SHROOM3: variants seen among roughly 807,000 people sequenced by gnomAD.
The protein encoded by SHROOM3 is shroom family member 3.
A neutral mutation model predicts 138.6 loss-of-function variants in SHROOM3; 47 were observed. That is an observed-to-expected ratio of 0.34 (90% CI 0.27 to 0.43). The LOEUF (loss-of-function observed/expected upper bound fraction) is 0.43. Ranked by LOEUF, SHROOM3 falls within the 20% of genes least tolerant of loss-of-function variation. The pLI, the probability that SHROOM3 is intolerant of heterozygous loss-of-function variation, is 1.00. For synonymous variants in SHROOM3, 1,062 were observed against 1,063.3 expected (o/e 1.00, Z 0.02); for missense variants, 2,491 against 2,596.5 (o/e 0.96, Z 0.88).
At chr4:76,572,072 A>G (rs1733843060) in intron 2 of SHROOM3, among the ~76,000 whole-genome samples, 1 of 152,118 alleles carries the variant, frequency 6.6e-6, no homozygotes, top group Admixed American at 6.6e-5. Flanking sequence ...TTGTTCCTCC[A>G]TATCTGCCTC....
intron 2 of SHROOM3, among the ~76,000 whole-genome samples, chr4:76,573,027 G>A (rs1234092336): frequency 1.3e-5 from 2 of 151,912 alleles, no homozygotes; most frequent in East Asian, 3.9e-4. Flanking sequence ...GTTGCAGTGA[G>A]CTGAGATTGC....
intron 1 of SHROOM3, among the ~76,000 whole-genome samples, chr4:76,450,474 A>C (rs1730904163): frequency 6.6e-6 from 1 of 152,230 alleles, no homozygotes; most frequent in Non-Finnish European, 1.5e-5. Context: ...TTTTTCATAA[A>C]TAGAAAAAAT....
At chr4:76,565,018 G>T (rs532561550) in intron 2 of SHROOM3, among the ~76,000 whole-genome samples, 2 of 151,954 alleles carry the variant, frequency 1.3e-5, no homozygotes, top group Non-Finnish European at 2.9e-5. Flanking sequence ...AAAATTAGCC[G>T]GGTGTGGTGG....
At chr4:76,439,376 A>G (rs1415396813) in intron 1 of SHROOM3, among the ~76,000 whole-genome samples, 1 of 152,176 alleles carries the variant, frequency 6.6e-6, no homozygotes, top group African/African-American at 2.4e-5. Context: ...TGCAACCTTA[A>G]TTCACCCTTA....
intron 5 of SHROOM3, among the ~76,000 whole-genome samples, chr4:76,744,760 G>C (rs978815061): frequency 2.6e-5 from 4 of 152,192 alleles, no homozygotes; most frequent in Non-Finnish European, 5.9e-5. Context: ...TCTGCTGCTG[G>C]CTTAGTTGAT....
chr4:76,615,620 A>G (rs1025179155), intron 2 of SHROOM3, among the ~76,000 whole-genome samples: 3 of 152,120 alleles, frequency 2.0e-5, no homozygotes, highest in Non-Finnish European at 2.9e-5. Flanking sequence ...GAGTGGAGGG[A>G]AAGGAGTGGG....
Position 76,740,966 on chromosome 4 carries a change from A to T in SHROOM3, c.2793A>T (p.Ala931=), listed in dbSNP as rs1330509122. ...CCTACCGGAACAGCATCAAGGACGC[A>T]CAGTCCCGTGTCTTGGGGGCCACCT... ...SRAYRNSIKD[A]QSRVLGATSF... is the part of the protein sequence containing the mutation. Residue 931 remains alanine (A), a synonymous_variant, in exon 5 of 11, where the codon GCA becomes GCT. Transcript: ENST00000296043. The surrounding 1 kb of genome is among the most constrained non-coding windows in gnomAD (Gnocchi z 4.0). 2.0e-6 allele frequency: 3 copies of T among 1,498,352 alleles called. No individual in the cohort carries two copies. In the South Asian group the frequency reaches 4.2e-5, roughly 21 times the overall value. The allele number at this position is 1,498,352 out of a possible 1,614,324, so 92.8% of individuals were successfully genotyped here.
intron 1 of SHROOM3, among the ~76,000 whole-genome samples, chr4:76,488,855 ACTTGTTTTT>A (rs780355451): frequency 0.43 from 65,717 of 151,778 alleles, 15,133 homozygotes; most frequent in Non-Finnish European, 0.52. Flanking sequence ...TGAGGTCAAA[ACTTGTTTTT>A]ATCCCCAATT....
rs527688595 is a variant in SHROOM3 at position 76,460,394 on chromosome 4, C to T, written c.168+24174C>T. On this transcript the variant is annotated intron_variant, in intron 1 of 10. Coordinates refer to ENST00000296043, the MANE Select transcript of SHROOM3 (RefSeq NM_020859.4). ...TGACAAAAGACAAAGACACTACCAC[C>T]GTTGCGACCTTTATGTATCTTACTA... 4.8e-4 allele frequency among the ~76,000 whole-genome samples: 73 copies of T among 152,282 alleles called. 1 individual carries two copies. In the South Asian group the frequency reaches 0.011, roughly 23 times the overall value.
intron 2 of SHROOM3, among the ~76,000 whole-genome samples, chr4:76,642,351 G>A (rs1205624546): frequency 2.0e-5 from 3 of 152,156 alleles, no homozygotes; most frequent in Non-Finnish European, 4.4e-5. Context: ...CTGCGATTGG[G>A]TCTCAAATTA....
intron 1 of SHROOM3, among the ~76,000 whole-genome samples, chr4:76,529,715 G>C (rs968585878): frequency 7.4e-6 from 1 of 135,390 alleles, no homozygotes; most frequent in Non-Finnish European, 1.6e-5. Context: ...CTACGTACAG[G>C]ACTGGACTTT....
At chr4:76,707,656 C>CA (rs1234282392) in intron 2 of SHROOM3, among the ~76,000 whole-genome samples, 2 of 151,984 alleles carry the variant, frequency 1.3e-5, no homozygotes, top group African/African-American at 4.8e-5. Context: ...GTAAGGTATT[C>CA]AATGTACAGG....
At chr4:76,625,794 C>T (rs1384801959) in intron 2 of SHROOM3, among the ~76,000 whole-genome samples, 3 of 152,214 alleles carry the variant, frequency 2.0e-5, no homozygotes, top group Non-Finnish European at 2.9e-5. Flanking sequence ...TTGTCTACCC[C>T]TATAACTAAC....
intron 2 of SHROOM3, among the ~76,000 whole-genome samples, chr4:76,570,183 ACG>A (rs1491306091): frequency 1.0e-4 from 15 of 147,240 alleles, no homozygotes; most frequent in Admixed American, 2.7e-4. Flanking sequence ...ACACACACAC[ACG>A]CACACCAGTA....
chr4:76,596,123 T>G (rs1446317655), intron 2 of SHROOM3, among the ~76,000 whole-genome samples: 1 of 152,180 alleles, frequency 6.6e-6, no homozygotes, highest in Admixed American at 6.5e-5. Context: ...ATGGACCCCA[T>G]GCATGACAGT....
intron 2 of SHROOM3, among the ~76,000 whole-genome samples, chr4:76,610,944 A>G (rs1198991271): frequency 6.6e-6 from 1 of 152,188 alleles, no homozygotes; most frequent in African/African-American, 2.4e-5. Context: ...CCTCCCTCAA[A>G]TGAGAAACTA....
chr4:76,436,339 C>A lies in SHROOM3; in HGVS notation c.168+119C>A, dbSNP rs554755626. On this transcript the variant is annotated intron_variant, in intron 1 of 10. Transcript: ENST00000296043. Reference sequence around the variant, plus strand: ...TATAACTTAATTTGCTGTTTCATGCCTTTCTGATTATCTAGAAATATTTTG... The same window carrying A: ...TATAACTTAATTTGCTGTTTCATGCATTTCTGATTATCTAGAAATATTTTG... 0.15 allele frequency: 169,484 copies of A among 1,116,882 alleles called. 13,744 individuals carry two copies. Among genetic ancestry groups the A allele is most frequent in the South Asian group, 0.22 (16,142 of 71,916 alleles). 69.2% of individuals were successfully genotyped at this position (1,116,882 alleles called of 1,614,324 possible). A position where few individuals can be genotyped will look rare whatever the true frequency, so the allele number is the denominator to read the frequency against.
At chr4:76,775,206 C>T (rs947512557) in intron 10 of SHROOM3, among the ~76,000 whole-genome samples, 3 of 152,218 alleles carry the variant, frequency 2.0e-5, no homozygotes, top group East Asian at 1.9e-4. Context: ...GAACATAAAA[C>T]GTTTGGTTTT....
At chr4:76,555,832 C>A in intron 2 of SHROOM3, 69 bp downstream of exon 2, 1 of 1,559,302 alleles carries the variant, frequency 6.4e-7, no homozygotes, top group Non-Finnish European at 8.7e-7. Context: ...CCTACCCCAC[C>A]TCTGGGAAAA....
Sources: allele counts gnomAD v4.1 joint callset (sites outside exome capture counted in the v4.1 genomes callset), GRCh38; gene constraint gnomAD v4.1.1; non-coding constraint Gnocchi (gnomAD v3.1); transcripts MANE v1.5; gene names NCBI Gene and HGNC (gene_info 2026-07-23, HGNC 2026-07-21).